The following BMP4 variants were observed in gnomAD, a reference collection of about 807,000 sequenced individuals.
BMP4 encodes the protein bone morphogenetic protein 2B.
Under a neutral mutation model 29.6 loss-of-function variants are expected in BMP4, and 3 were observed. The ratio of observed to expected loss-of-function variants is 0.10; its 90% CI spans 0.05 to 0.26. BMP4 has a LOEUF of 0.26. Ranked by LOEUF, BMP4 falls within the 10% of genes least tolerant of loss-of-function variation. The pLI is 1.00. For missense variants in BMP4, 455 were observed against 550.2 expected, an observed-to-expected ratio of 0.83 and a Z score of 1.73; for synonymous variants, 197 against 213.2, an observed-to-expected ratio of 0.92 and a Z score of 0.66.
chr14:53,952,626 T>C (rs1465368586), intron 2 of BMP4, among the ~76,000 whole-genome samples: 2 of 152,004 alleles, frequency 1.3e-5, no homozygotes, highest in South Asian at 4.2e-4. Flanking sequence ...ATGGCATTGC[T>C]CTCCACTTTA....
rs1460775726 is a variant in BMP4, at chr14:53,950,506, A to G, written c.753T>C (p.His251=). The part of the protein sequence containing the change: ...LHQTRTHQGQ[H]VRISRSLPQG... Reference sequence around the variant, plus strand: ...GAGGTAACGATCGGCTAATCCTGACATGCTGGCCCTGGTGGGTCCGAGTCT... The same window carrying G: ...GAGGTAACGATCGGCTAATCCTGACGTGCTGGCCCTGGTGGGTCCGAGTCT... Residue 251 remains histidine (H), a synonymous_variant, in exon 4 of 4, where the codon CAT becomes CAC. Transcript: ENST00000245451. The surrounding 1 kb of genome is among the most constrained non-coding windows in gnomAD (Gnocchi z 5.4). 21 of 1,614,072 alleles carry G rather than the reference A, an allele frequency of 1.3e-5. No homozygotes were observed. Among genetic ancestry groups the G allele is most frequent in the Non-Finnish European group, 1.7e-5 (20 of 1,180,030 alleles).
At position 53,950,452 on chromosome 14, in the gene BMP4, C is replaced by T. The variant is rs757486812; in HGVS notation, c.807G>A (p.Arg269=). ...PQGSGNWAQL[R]PLLVTFGHDG... ...CATGGCCAAAGGTGACCAGGAGGGG[C>T]CGGAGCTGGGCCCAATTCCCACTCC... is the stretch of plus-strand genomic sequence containing the variant. The change falls in exon 4 of 4, where the codon CGG becomes CGA. Residue 269 remains arginine (R), a synonymous_variant. Transcript: ENST00000245451. This position sits in a 1 kb window ranked among gnomAD's most constrained non-coding sequence, Gnocchi z 5.4. 1.2e-6 allele frequency: 2 copies of T among 1,613,804 alleles called. No homozygotes were observed. Among genetic ancestry groups the T allele is most frequent in the African/African-American group, 2.7e-5 (2 of 74,966 alleles).
chr14:53,951,020 G>A (rs1895379463), intron 3 of BMP4, 132 bp from the exon 4 acceptor site: 5 of 1,271,688 alleles, frequency 3.9e-6, no homozygotes, highest in Non-Finnish European at 4.5e-6. Flanking sequence ...ACCTACTGGG[G>A]GAAAATAAGC....
chr14:53,951,839 G>A lies in BMP4; in HGVS notation c.370+14C>T. The stretch of plus-strand genomic sequence containing the variant: ...ACCAGCCCTCCCCCACGCAGACTGG[G>A]GGAAGAGACTGACCTTCGTGGTGGA... On this transcript the variant is annotated intron_variant, in intron 3 of 3. Coordinates refer to ENST00000245451, the MANE Select transcript of BMP4 (RefSeq NM_001202.6). 1 of 1,598,802 alleles carries A rather than the reference G, an allele frequency of 6.3e-7. No homozygotes were observed. The highest frequency in any genetic ancestry group is 8.5e-7 in the Non-Finnish European group (1 of 1,179,890).
rs1895644199 is a variant in BMP4 at position 53,954,794 on chromosome 14, C to A, written c.-132-1394G>T. On this transcript the variant is annotated intron_variant, in intron 1 of 3. Coordinates refer to ENST00000245451, the MANE Select transcript of BMP4 (RefSeq NM_001202.6). This position sits in a 1 kb window ranked among gnomAD's most constrained non-coding sequence, Gnocchi z 4.8. ...GGGGCCCGGGCCCCATGACTCCTGC[C>A]CCAAAGCCCACTCCACCCGACCTCC... Among the ~76,000 whole-genome samples, 1 of 152,114 alleles carries A rather than the reference C, an allele frequency of 6.6e-6. No individual in the cohort carries two copies. Among genetic ancestry groups the A allele is most frequent in the Non-Finnish European group, 1.5e-5 (1 of 68,010 alleles).
Position 53,954,254 on chromosome 14 carries a change from C to T in BMP4, c.-132-854G>A, listed in dbSNP as rs1895615723. Among the ~76,000 whole-genome samples, 1 of 152,084 alleles carries T rather than the reference C, an allele frequency of 6.6e-6. No homozygotes were observed. ...GCGTGGCCCCTCTCCCCATGCAAAGCAGACCCCCGAAGAAGCCATGCCAGG... is the reference window on the plus strand; with the variant it reads ...GCGTGGCCCCTCTCCCCATGCAAAGTAGACCCCCGAAGAAGCCATGCCAGG... On this transcript the variant is annotated intron_variant, in intron 1 of 3. Transcript: ENST00000245451. This position sits in a 1 kb window ranked among gnomAD's most constrained non-coding sequence, Gnocchi z 4.8.
chr14:53,956,431 T>A (rs2140246319), intron 1 of BMP4, 119 bp downstream of exon 1: 1 of 398,278 alleles, frequency 2.5e-6, no homozygotes, highest in African/African-American at 2.1e-5. Flanking sequence ...CCAGCACCAC[T>A]ATTGGAAAAT....
Position 53,950,277 on chromosome 14 carries a change from C to T in BMP4, c.982G>A (p.Ala328Thr). The T allele has an allele frequency of 6.2e-7, 1 of 1,614,236 alleles. No homozygotes were observed. Among genetic ancestry groups the T allele is most frequent in the South Asian group, 1.1e-5 (1 of 91,092 alleles). ...TAGAAGGCCTGGTAGCCTGGTGGGG[C>T]CACAATCCAGTCATTCCAGCCCACA... ...SDVGWNDWIV[A>T]PPGYQAFYCH... is the part of the protein sequence containing the mutation. Residue 328 changes from alanine (A) to threonine (T), a missense_variant, in exon 4 of 4, where the codon GCC becomes ACC. Around this residue, in one of 4 missense-constraint regions of BMP4, gnomAD observed 154 missense variants for 156.8 expected, o/e 0.98. Coordinates refer to ENST00000245451, the MANE Select transcript of BMP4 (RefSeq NM_001202.6). The surrounding 1 kb of genome is among the most constrained non-coding windows in gnomAD (Gnocchi z 5.4).
rs1367398323 is a variant in BMP4 at position 53,954,196 on chromosome 14, A to G, written c.-132-796T>C. On this transcript the variant is annotated intron_variant, in intron 1 of 3. Transcript: ENST00000245451. This position sits in a 1 kb window ranked among gnomAD's most constrained non-coding sequence, Gnocchi z 4.8. ...GGCTGTTAGTCATTGCTCCGGGTCC[A>G]TTACCGAGAATCCCCAAACCTAGTC... 3.3e-5 allele frequency among the ~76,000 whole-genome samples: 5 copies of G among 152,022 alleles called. No homozygotes were observed. The highest frequency in any genetic ancestry group is 5.9e-5 in the Non-Finnish European group (4 of 68,000).
At chr14:53,956,184 T>C (rs1487153785) in intron 1 of BMP4, among the ~76,000 whole-genome samples, 1 of 152,074 alleles carries the variant, frequency 6.6e-6, no homozygotes, top group East Asian at 1.9e-4. Context: ...GGTTCTCTCC[T>C]TCCTCCTCCC....
chr14:53,953,672 G>T (rs570189004), intron 1 of BMP4, among the ~76,000 whole-genome samples: 1 of 151,964 alleles, frequency 6.6e-6, no homozygotes, highest in East Asian at 2.0e-4. Context: ...CGCGGCCGCC[G>T]CGCTCCCAGG....
In BMP4 at chr14:53,954,839, A is replaced by G. The variant is rs1479981865; in HGVS notation, c.-132-1439T>C. 1.3e-5 allele frequency among the ~76,000 whole-genome samples: 2 copies of G among 151,966 alleles called. No individual in the cohort carries two copies. The highest frequency in any genetic ancestry group is 2.9e-5 in the Non-Finnish European group (2 of 67,976). On this transcript the variant is annotated intron_variant, in intron 1 of 3. Transcript: ENST00000245451. This position sits in a 1 kb window ranked among gnomAD's most constrained non-coding sequence, Gnocchi z 4.8. ...ACCTCCCTTTCCTGAGGCTGTTCCC[A>G]GTTGCTGCTTTGGGTCGCTCCGGAG...
Position 53,950,987 on chromosome 14 carries a change from T to C in BMP4, c.371-99A>G. 3 of 1,502,050 alleles carry C rather than the reference T, an allele frequency of 2.0e-6. No individual in the cohort carries two copies. Among genetic ancestry groups the C allele is most frequent in the Non-Finnish European group, 1.8e-6 (2 of 1,095,052 alleles). 93.0% of individuals were successfully genotyped at this position (1,502,050 alleles called of 1,614,324 possible). On this transcript the variant is annotated intron_variant, in intron 3 of 3. Transcript: ENST00000245451. The surrounding 1 kb of genome is among the most constrained non-coding windows in gnomAD (Gnocchi z 5.4). ...TAGCTCAGGGTTGGGCAATGAATGG[T>C]GAATTCTGCTTATGCAGGGGAAACC... is the stretch of plus-strand genomic sequence containing the variant.
Position 53,949,981 on chromosome 14 carries a change from G to GGTGT in BMP4, c.*47_*50dup. The stretch of plus-strand genomic sequence containing the variant: ...GGGAACGTGTGTGTGTGGTGTATGT[G>GGTGT]GTGTGTGTGTGTGGTGTGTATATCT... On this transcript the variant is annotated 3_prime_UTR_variant, in exon 4 of 4. Coordinates refer to ENST00000245451, the MANE Select transcript of BMP4 (RefSeq NM_001202.6). The GGTGT allele has an allele frequency of 1.9e-6, 3 of 1,577,586 alleles. No homozygotes were observed. The highest frequency in any genetic ancestry group is 2.7e-5 in the African/African-American group (2 of 73,332).
chr14:53,951,529 G>C (rs1421627336), intron 3 of BMP4: 4 of 321,380 alleles, frequency 1.2e-5, no homozygotes, highest in Non-Finnish European at 2.3e-5. Context: ...CAAACACACA[G>C]CTGTAATATT....
In BMP4 at chr14:53,956,576, CCAG is replaced by C. The variant is rs1895728338; in HGVS notation, c.-162_-160del. The C allele has an allele frequency of 2.5e-6, 1 of 399,290 alleles. No individual in the cohort carries two copies. The highest frequency in any genetic ancestry group is 4.4e-6 in the Non-Finnish European group (1 of 226,302). 24.7% of individuals were successfully genotyped at this position (399,290 alleles called of 1,614,324 possible). On this transcript the variant is annotated 5_prime_UTR_variant, in exon 1 of 4. Coordinates refer to ENST00000245451, the MANE Select transcript of BMP4 (RefSeq NM_001202.6). ...ATAGGTCCCTGCAGTAGCGGGCTCG[CCAG>C]CAGCAGCTCCTGGGGACCTCTGAAC...
rs1438939018 is a variant in BMP4, at chr14:53,952,233, G to A, written c.-7-4C>T. ...GTTACCAGGAATCATGGTGTCTCTG[G>A]GGAGGGGGAGGGGAGTGGAAGGTTA... On this transcript the variant is annotated splice_region_variant and splice_polypyrimidine_tract_variant and intron_variant, in intron 2 of 3. Transcript: ENST00000245451. 2 of 1,613,432 alleles carry A rather than the reference G, an allele frequency of 1.2e-6. No homozygotes were observed. Among genetic ancestry groups the A allele is most frequent in the South Asian group, 2.2e-5 (2 of 91,020 alleles).
chr14:53,949,815 C>T lies in BMP4; in HGVS notation c.*217G>A, dbSNP rs1362387575. The T allele has an allele frequency of 2.0e-6, 1 of 508,932 alleles. No individual in the cohort carries two copies. The highest frequency in any genetic ancestry group is 3.4e-6 in the Non-Finnish European group (1 of 293,622). 31.5% of individuals were successfully genotyped at this position (508,932 alleles called of 1,614,324 possible). ...AATATATTTTGTCAAAATATATGATCAATATGGTCAAAACATTTGCACGTA... is the reference window on the plus strand; with the variant it reads ...AATATATTTTGTCAAAATATATGATTAATATGGTCAAAACATTTGCACGTA... On this transcript the variant is annotated 3_prime_UTR_variant, in exon 4 of 4. Coordinates refer to ENST00000245451, the MANE Select transcript of BMP4 (RefSeq NM_001202.6).
rs1159448000 is a variant in BMP4 at position 53,950,280 on chromosome 14, C to T, written c.979G>A (p.Val327Met). ...FSDVGWNDWI[V>M]APPGYQAFYC... ...AAGGCCTGGTAGCCTGGTGGGGCCA[C>T]AATCCAGTCATTCCAGCCCACATCG... Residue 327 changes from valine (V) to methionine (M), a missense_variant, in exon 4 of 4, where the codon GTG becomes ATG. By Grantham distance (21) the Val-to-Met change is conservative. This residue lies in a region of BMP4 where 154 missense variants were observed against 156.8 expected (regional missense o/e 0.98). Transcript: ENST00000245451. The surrounding 1 kb of genome is among the most constrained non-coding windows in gnomAD (Gnocchi z 5.4). The T allele has an allele frequency of 1.2e-6, 2 of 1,614,210 alleles. No individual in the cohort carries two copies. The highest frequency in any genetic ancestry group is 1.7e-6 in the Non-Finnish European group (2 of 1,180,034).
Sources: allele counts gnomAD v4.1 joint callset (sites outside exome capture counted in the v4.1 genomes callset), GRCh38; gene constraint gnomAD v4.1.1; regional missense constraint gnomAD v4.1.1; non-coding constraint Gnocchi (gnomAD v3.1); transcripts MANE v1.5; gene names NCBI Gene and HGNC (gene_info 2026-07-23, HGNC 2026-07-21).